The following SLC60A1 variants were observed in gnomAD, a reference collection of about 807,000 sequenced individuals.
SLC60A1 encodes solute carrier family 60 member 1.
the SLC60A1 span, chr1:205,569,028 G>C: frequency 1.0e-5 from 12 of 1,177,782 alleles, no homozygotes; most frequent in South Asian, 1.9e-5. Flanking sequence ...CTCGGGCACC[G>C]GGCTCGCCGG....
At chr1:205,580,979 T>C in the SLC60A1 span, 2 of 1,570,954 alleles carry the variant, frequency 1.3e-6, no homozygotes, top group Non-Finnish European at 1.7e-6. The surrounding 1 kb of genome is among the most constrained non-coding windows in gnomAD (Gnocchi z 5.0). Context: ...CACATCCCAG[T>C]CCACCCCACA....
the SLC60A1 span, chr1:205,597,923 G>A: frequency 2.1e-6 from 3 of 1,449,290 alleles, no homozygotes; most frequent in Non-Finnish European, 1.9e-6. Context: ...GATGCAGATA[G>A]CCACCTTCTG....
chr1:205,580,639 G>T, the SLC60A1 span: 1 of 744,204 alleles, frequency 1.3e-6, no homozygotes, highest in Middle Eastern at 2.8e-4. This position sits in a 1 kb window ranked among gnomAD's most constrained non-coding sequence, Gnocchi z 5.0. Context: ...ACCCCCACCC[G>T]CCACCTCTCC....
chr1:205,598,623 G>T, the SLC60A1 span: 1 of 154,640 alleles, frequency 6.5e-6, no homozygotes, highest in African/African-American at 2.4e-5. Context: ...GAAATGATGT[G>T]ACATCTGGGA....
the SLC60A1 span, among the ~76,000 whole-genome samples, chr1:205,587,717 G>C: frequency 6.6e-6 from 1 of 152,114 alleles, no homozygotes; most frequent in Non-Finnish European, 1.5e-5. Flanking sequence ...GTGGGATGGA[G>C]AGCGGGAGTG....
At chr1:205,580,931 C>G in the SLC60A1 span, 2 of 1,611,542 alleles carry the variant, frequency 1.2e-6, no homozygotes, top group Non-Finnish European at 1.7e-6. The surrounding 1 kb of genome is among the most constrained non-coding windows in gnomAD (Gnocchi z 5.0). Flanking sequence ...TGTGAGTGTC[C>G]CTGGGGTGGG....
chr1:205,599,310 G>C, the SLC60A1 span: 10 of 1,599,444 alleles, frequency 6.3e-6, no homozygotes, highest in South Asian at 6.7e-5. Flanking sequence ...GTCGGGGAGC[G>C]GGGGAGCAGG....
chr1:205,592,324 C>T, the SLC60A1 span: 1 of 1,568,704 alleles, frequency 6.4e-7, no homozygotes. Context: ...CGCGCTCTAT[C>T]TAGCTGGGCG....
the SLC60A1 span, chr1:205,579,501 T>G: frequency 1.7e-6 from 1 of 582,690 alleles, no homozygotes; most frequent in South Asian, 2.2e-5. Flanking sequence ...GTGCAATTGT[T>G]TGTAAGTAGA....
chr1:205,584,223 T>TTTA, the SLC60A1 span: 3 of 1,267,112 alleles, frequency 2.4e-6, no homozygotes, highest in African/African-American at 4.6e-5. Context: ...AGGTGATTTT[T>TTTA]TTTTTTTTTT....
At chr1:205,578,363 G>A in the SLC60A1 span, among the ~76,000 whole-genome samples, 60 of 152,240 alleles carry the variant, frequency 3.9e-4, 1 homozygote, top group Non-Finnish European at 1.0e-4. Flanking sequence ...ATCAGCCCAC[G>A]GTGTGTGTTA....
the SLC60A1 span, among the ~76,000 whole-genome samples, chr1:205,582,889 T>C: frequency 6.6e-6 from 1 of 152,146 alleles, no homozygotes; most frequent in Non-Finnish European, 1.5e-5. Context: ...CCAGCCTGCC[T>C]CCAGGGGCAG....
the SLC60A1 span, among the ~76,000 whole-genome samples, chr1:205,589,287 G>C: frequency 0.011 from 1,679 of 152,248 alleles, 27 homozygotes; most frequent in African/African-American, 0.038. Context: ...AAAGGCCCGT[G>C]TTCAAAGGCC....
the SLC60A1 span, chr1:205,599,035 G>GA: frequency 6.5e-7 from 1 of 1,533,204 alleles, no homozygotes; most frequent in East Asian, 2.3e-5. Context: ...CAACTTAGCT[G>GA]AAAAACCAGC....
the SLC60A1 span, chr1:205,599,078 C>A: frequency 2.2e-5 from 36 of 1,608,652 alleles, no homozygotes; most frequent in Non-Finnish European, 3.1e-5. Context: ...CTCCGATACA[C>A]CTTCCACGTG....
At chr1:205,586,233 T>C in the SLC60A1 span, 7,040 of 1,611,324 alleles carry the variant, frequency 4.4e-3, 249 homozygotes, top group African/African-American at 0.078. Context: ...GCCTCCTCTC[T>C]CTTCTGAGAG....
At chr1:205,597,373 GTTTTTTT>G in the SLC60A1 span, among the ~76,000 whole-genome samples, 3 of 37,228 alleles carry the variant, frequency 8.1e-5, no homozygotes, top group Non-Finnish European at 1.4e-4. Context: ...AACCTAGGTT[GTTTTTTT>G]TTTTTTTTTT....
the SLC60A1 span, among the ~76,000 whole-genome samples, chr1:205,596,397 GGGAACCAGCTGGCCAACATGGT>G: frequency 1.3e-4 from 20 of 151,798 alleles, no homozygotes; most frequent in African/African-American, 4.8e-4. Context: ...AAAGATCAAT[GGGAACCAGCTGGCCAACATGGT>G]GGAACCCCAT....
At chr1:205,578,701 T>TC in the SLC60A1 span, among the ~76,000 whole-genome samples, 18 of 152,084 alleles carry the variant, frequency 1.2e-4, no homozygotes, top group East Asian at 3.3e-3. Context: ...TCTTTTTTTT[T>TC]CAGTGTGAAA....
Sources: allele counts gnomAD v4.1 joint callset (sites outside exome capture counted in the v4.1 genomes callset), GRCh38; gene constraint gnomAD v4.1.1; non-coding constraint Gnocchi (gnomAD v3.1); transcripts MANE v1.5; gene names NCBI Gene and HGNC (gene_info 2026-07-23, HGNC 2026-07-21).